Variants in DPH6 observed in about 807,000 individuals in gnomAD.
DPH6 encodes the protein diphthine--ammonia ligase.
DPH6 carries 33 observed loss-of-function variants against 38.2 expected under a neutral mutation model. The ratio of observed to expected loss-of-function variants is 0.86; its 90% CI spans 0.65 to 1.15. The LOEUF (loss-of-function observed/expected upper bound fraction) is 1.15. Among genes scored for constraint, DPH6 ranks in the 50% most tolerant of loss-of-function variants. The pLI is 0.00. For synonymous variants in DPH6, 108 were observed against 103.0 expected (o/e 1.05, Z -0.30); for missense variants, 325 against 320.0 (o/e 1.02, Z -0.12).
At chr15:35,158,279 T>C in the DPH6 span, among the ~76,000 whole-genome samples, 2 of 152,144 alleles carry the variant, frequency 1.3e-5, no homozygotes, top group Non-Finnish European at 2.9e-5. Context: ...TTTTGTTTTT[T>C]ATATCTTGAT....
chr15:35,533,362 T>G (rs1443543121), intron 3 of DPH6, among the ~76,000 whole-genome samples: 3 of 152,146 alleles, frequency 2.0e-5, no homozygotes, highest in Non-Finnish European at 2.9e-5. Context: ...CACAACTGAC[T>G]CATGAATATG....
downstream of DPH6, among the ~76,000 whole-genome samples, chr15:35,370,658 G>A (rs1436293636): frequency 6.6e-6 from 1 of 151,660 alleles, no homozygotes; most frequent in Non-Finnish European, 1.5e-5. Flanking sequence ...CTACCAGAAT[G>A]GCAAAAGTCC....
chr15:35,284,471 T>C (rs1243793529), intron 3 of DPH6, among the ~76,000 whole-genome samples: 1 of 151,968 alleles, frequency 6.6e-6, no homozygotes, highest in Non-Finnish European at 1.5e-5. Context: ...ACAATAAAAA[T>C]GGTGATTTAA....
At chr15:35,490,586 C>G (rs920891060) in intron 3 of DPH6, among the ~76,000 whole-genome samples, 2 of 152,136 alleles carry the variant, frequency 1.3e-5, no homozygotes, top group Non-Finnish European at 2.9e-5. Context: ...ATCTCATTTT[C>G]ATGAGGGTCC....
intron 5 of DPH6, among the ~76,000 whole-genome samples, chr15:35,428,315 A>G (rs2053593507): frequency 6.6e-6 from 1 of 152,018 alleles, no homozygotes; most frequent in Non-Finnish European, 1.5e-5. Context: ...TTTCTATAAA[A>G]CTGTCTTCAG....
At chr15:35,150,318 TA>T in the DPH6 span, among the ~76,000 whole-genome samples, 57 of 152,258 alleles carry the variant, frequency 3.7e-4, no homozygotes, top group East Asian at 0.011. Flanking sequence ...TGCAATTTAA[TA>T]AAAGTAACAA....
At chr15:35,297,134 T>C (rs1385752118) in intron 3 of DPH6, among the ~76,000 whole-genome samples, 2 of 152,224 alleles carry the variant, frequency 1.3e-5, no homozygotes, top group African/African-American at 4.8e-5. Flanking sequence ...ATGATTTCAC[T>C]GTCCCGTGTC....
intron 3 of DPH6, among the ~76,000 whole-genome samples, chr15:35,248,909 A>G (rs942822689): frequency 6.6e-6 from 1 of 152,232 alleles, no homozygotes; most frequent in Admixed American, 6.5e-5. Flanking sequence ...ATTAAAGGGC[A>G]AGTAATAATT....
chr15:35,523,234 C>T (rs548412497), intron 3 of DPH6, among the ~76,000 whole-genome samples: 1 of 128,534 alleles, frequency 7.8e-6, no homozygotes, highest in African/African-American at 2.9e-5. Context: ...AGTGAAGTTA[C>T]ACATTCTTTT....
At chr15:35,306,930 C>A (rs1036493557) in intron 3 of DPH6, among the ~76,000 whole-genome samples, 6 of 152,044 alleles carry the variant, frequency 3.9e-5, no homozygotes, top group African/African-American at 1.4e-4. Flanking sequence ...CCCTTAAGAA[C>A]AAAGGCAGTT....
chr15:35,512,598 C>T (rs1462218724), intron 3 of DPH6, among the ~76,000 whole-genome samples: 1 of 151,974 alleles, frequency 6.6e-6, no homozygotes, highest in African/African-American at 2.4e-5. Context: ...ATTGCCCTAA[C>T]ATATATTTCT....
At chr15:35,384,282 A>C (rs1372562600) in intron 6 of DPH6, among the ~76,000 whole-genome samples, 2 of 152,224 alleles carry the variant, frequency 1.3e-5, no homozygotes, top group African/African-American at 4.8e-5. Context: ...TTCTCAATGA[A>C]TTTTCATGAT....
chr15:35,281,519 C>T (rs1282397813), intron 3 of DPH6, among the ~76,000 whole-genome samples: 1 of 152,072 alleles, frequency 6.6e-6, no homozygotes, highest in African/African-American at 2.4e-5. Flanking sequence ...GACTTTTGAC[C>T]TAAGCAGGAG....
chr15:35,195,369 T>G, the DPH6 span, among the ~76,000 whole-genome samples: 1 of 152,150 alleles, frequency 6.6e-6, no homozygotes, highest in African/African-American at 2.4e-5. Flanking sequence ...TAAGAAGCAC[T>G]TACTAGTGAT....
At chr15:35,305,948 C>T (rs996743526) in intron 3 of DPH6, among the ~76,000 whole-genome samples, 2 of 152,122 alleles carry the variant, frequency 1.3e-5, no homozygotes, top group Non-Finnish European at 2.9e-5. Context: ...CTTTGGATCA[C>T]CTTAAGCCAG....
At chr15:35,505,797 T>C (rs886476957) in intron 3 of DPH6, among the ~76,000 whole-genome samples, 27 of 152,152 alleles carry the variant, frequency 1.8e-4, no homozygotes, top group Non-Finnish European at 3.4e-4. Flanking sequence ...ACTGTTTTTC[T>C]AGCCTCAAAC....
intron 3 of DPH6, among the ~76,000 whole-genome samples, chr15:35,274,411 A>G (rs1219342236): frequency 6.6e-6 from 1 of 152,212 alleles, no homozygotes; most frequent in African/African-American, 2.4e-5. Flanking sequence ...TAATCAAACT[A>G]AAGCGCTTCT....
At chr15:35,369,708 T>C (rs1007121151), downstream of DPH6, among the ~76,000 whole-genome samples, 1 of 150,026 alleles carries the variant, frequency 6.7e-6, no homozygotes, top group Admixed American at 6.7e-5. Context: ...AAAAAAGGTG[T>C]CTAAACAAAA....
chr15:35,428,729 T>C (rs908483688), intron 5 of DPH6, among the ~76,000 whole-genome samples: 1 of 152,222 alleles, frequency 6.6e-6, no homozygotes, highest in East Asian at 1.9e-4. Context: ...ATAAAAATCC[T>C]CATTCTCGTT....
Sources: gnomAD v4.1 joint callset for allele counts (sites outside exome capture counted in the v4.1 genomes callset) on GRCh38, gnomAD v4.1.1 for gene constraint, MANE v1.5 for transcripts, NCBI Gene and HGNC (gene_info 2026-07-23, HGNC 2026-07-21) for gene names.